Variants in PDSS2 observed in about 807,000 individuals in gnomAD.
The protein encoded by PDSS2 is all trans-polyprenyl-diphosphate synthase PDSS2.
A neutral mutation model predicts 44.5 loss-of-function variants in PDSS2; 31 were observed. The ratio of observed to expected loss-of-function variants is 0.70; its 90% confidence interval spans 0.52 to 0.94. The LOEUF (loss-of-function observed/expected upper bound fraction) is 0.94. PDSS2 is among the 40% of genes least tolerant of loss of function. PDSS2 has a pLI of 0.00. For synonymous variants in PDSS2, 157 were observed against 180.3 expected (o/e 0.87, Z 1.03); for missense variants, 452 against 482.2 (o/e 0.94, Z 0.59).
chr6:107,274,719 T>C (rs557991343), intron 2 of PDSS2, among the ~76,000 whole-genome samples: 3 of 150,238 alleles, frequency 2.0e-5, no homozygotes, highest in African/African-American at 7.4e-5. Flanking sequence ...GTCACCCAGG[T>C]TTGAGTGCAG....
chr6:107,269,501 CCTTCTTTG>C (rs1775526657), intron 3 of PDSS2, among the ~76,000 whole-genome samples: 1 of 151,832 alleles, frequency 6.6e-6, no homozygotes, highest in African/African-American at 2.4e-5. Flanking sequence ...TTATATCATT[CCTTCTTTG>C]CTTTTGTCAG....
At chr6:107,347,065 T>C (rs1168773233) in intron 1 of PDSS2, among the ~76,000 whole-genome samples, 2 of 152,028 alleles carry the variant, frequency 1.3e-5, no homozygotes, top group South Asian at 2.1e-4. Context: ...CTGTCCAGGT[T>C]AAAACAAAAA....
intron 3 of PDSS2, among the ~76,000 whole-genome samples, chr6:107,269,980 T>C (rs1285270311): frequency 6.6e-6 from 1 of 152,046 alleles, no homozygotes; most frequent in Non-Finnish European, 1.5e-5. Context: ...ACCAAACTTT[T>C]GATGACCCAT....
intron 2 of PDSS2, among the ~76,000 whole-genome samples, chr6:107,305,963 T>G (rs1403559565): frequency 6.6e-6 from 1 of 152,176 alleles, no homozygotes; most frequent in Non-Finnish European, 1.5e-5. Flanking sequence ...ATACCCATCA[T>G]CTAACCTGGT....
chr6:107,324,749 T>C (rs1277814810), intron 2 of PDSS2, among the ~76,000 whole-genome samples: 3 of 152,324 alleles, frequency 2.0e-5, no homozygotes, highest in African/African-American at 7.2e-5. Context: ...CATGTTTATA[T>C]AATTGACCCT....
intron 1 of PDSS2, among the ~76,000 whole-genome samples, chr6:107,458,316 T>C (rs1302141450): frequency 2.8e-5 from 4 of 144,120 alleles, no homozygotes; most frequent in Admixed American, 7.3e-5. Context: ...AAACCCCGTA[T>C]CTACTAAAAA....
chr6:107,286,139 A>AT (rs1562435619), intron 2 of PDSS2, among the ~76,000 whole-genome samples: 4 of 149,816 alleles, frequency 2.7e-5, no homozygotes, highest in Non-Finnish European at 3.0e-5. Context: ...CGCAAAATAA[A>AT]AAAAAAAAAA....
At chr6:107,452,243 T>G (rs1249498744) in intron 1 of PDSS2, among the ~76,000 whole-genome samples, 1 of 150,554 alleles carries the variant, frequency 6.6e-6, no homozygotes, top group Non-Finnish European at 1.5e-5. Context: ...TTTAGAGAGT[T>G]CTTTTTTTTT....
At chr6:107,192,594 T>G (rs1772418093) in intron 7 of PDSS2, 4 of 252,398 alleles carry the variant, frequency 1.6e-5, no homozygotes, top group Non-Finnish European at 2.4e-5. Flanking sequence ...CTAAATTCAG[T>G]GATTCAACCA....
intron 7 of PDSS2, among the ~76,000 whole-genome samples, chr6:107,165,065 C>T (rs1440986120): frequency 3.3e-5 from 5 of 152,074 alleles, no homozygotes; most frequent in Non-Finnish European, 7.3e-5. Context: ...TGGATATTAG[C>T]CCTTTGTCAG....
chr6:107,364,060 G>A (rs867872188), intron 1 of PDSS2, among the ~76,000 whole-genome samples: 30 of 152,228 alleles, frequency 2.0e-4, no homozygotes, highest in Admixed American at 3.9e-4. Flanking sequence ...ACAGAGCGTC[G>A]ACTGGTGCAC....
rs531796813 is a variant in PDSS2, at chr6:107,223,501, C to T, written c.703-11219G>A. Among the ~76,000 whole-genome samples the T allele has an allele frequency of 5.3e-5, 8 of 151,026 alleles. No individual in the cohort carries two copies. In the South Asian group the frequency reaches 8.3e-4, roughly 16 times the overall value. ...AGTGAGCTGAGATCATGCCACCACG[C>T]TCCAGGATGGGTGACAGAGTGAGAC... On this transcript the variant is annotated intron_variant, in intron 4 of 7. Transcript: ENST00000369037.
chr6:107,337,959 T>C (rs1777958390), intron 1 of PDSS2, among the ~76,000 whole-genome samples: 1 of 152,174 alleles, frequency 6.6e-6, no homozygotes, highest in Non-Finnish European at 1.5e-5. Flanking sequence ...AAAGCACATC[T>C]TCTGGCCATT....
intron 2 of PDSS2, 134 bp from the exon 3 acceptor site, chr6:107,274,361 G>A: frequency 1.4e-6 from 1 of 724,122 alleles, no homozygotes; most frequent in Admixed American, 2.2e-5. Context: ...TCTTTCTAAT[G>A]AATCTTTAAA....
At chr6:107,456,600 T>G (rs911183852) in intron 1 of PDSS2, among the ~76,000 whole-genome samples, 9 of 152,232 alleles carry the variant, frequency 5.9e-5, no homozygotes, top group Non-Finnish European at 1.0e-4. Context: ...CCCAGACAGG[T>G]GTGCAGTGGC....
intron 1 of PDSS2, among the ~76,000 whole-genome samples, chr6:107,432,244 C>G (rs1193518855): frequency 6.6e-6 from 1 of 152,112 alleles, no homozygotes; most frequent in Non-Finnish European, 1.5e-5. Context: ...GGAAAGTAAA[C>G]CATCAACATC....
chr6:107,184,789 T>A (rs1287695086), intron 7 of PDSS2, among the ~76,000 whole-genome samples: 2 of 151,712 alleles, frequency 1.3e-5, no homozygotes, highest in Non-Finnish European at 2.9e-5. Context: ...TCTCTTACAT[T>A]TGACAGAGAA....
rs577959584 is a variant in PDSS2, at chr6:107,343,264, A to AT, written c.297-8933dup. Reference sequence around the variant, plus strand: ...GCTTATGACTGTGACCCCTAGTTAAATTTTTTTTTTCATTTAGATACAGAC... The same window carrying AT: ...GCTTATGACTGTGACCCCTAGTTAAATTTTTTTTTTTCATTTAGATACAGAC... On this transcript the variant is annotated intron_variant, in intron 1 of 7. Coordinates refer to ENST00000369037, the MANE Select transcript of PDSS2 (RefSeq NM_020381.4). Among the ~76,000 whole-genome samples, 129 of 150,862 alleles carry AT rather than the reference A, an allele frequency of 8.6e-4. 1 individual carries two copies. The highest frequency in any genetic ancestry group is 1.3e-3 in the Non-Finnish European group (88 of 67,600).
chr6:107,155,300 C>T (rs143168020), intron 7 of PDSS2, among the ~76,000 whole-genome samples: 245 of 152,128 alleles, frequency 1.6e-3, no homozygotes, highest in African/African-American at 5.7e-3. Flanking sequence ...CATGCGCCAC[C>T]ACACCCATCT....
Sources: allele counts gnomAD v4.1 joint callset (sites outside exome capture counted in the v4.1 genomes callset), GRCh38; gene constraint gnomAD v4.1.1; transcripts MANE v1.5; gene names NCBI Gene and HGNC (gene_info 2026-07-23, HGNC 2026-07-21).